MFN1: variants seen among roughly 807,000 people sequenced by gnomAD.
The protein encoded by MFN1 is mitofusin 1, also known as mitofusin-1.
In MFN1, 65 loss-of-function variants were observed where a neutral mutation model predicts 92.4. The ratio of observed to expected loss-of-function variants is 0.70; its 90% CI spans 0.58 to 0.86. The LOEUF is 0.86. MFN1 is among the 40% of genes least tolerant of loss of function. MFN1 has a pLI of 0.00. For synonymous variants in MFN1, 297 were observed against 300.9 expected (o/e 0.99, Z 0.13); for missense variants, 781 against 868.0 (o/e 0.90, Z 1.26).
In MFN1 at chr3:179,358,848, G is replaced by A. The variant is rs761481869; in HGVS notation, c.257G>A (p.Ser86Asn). Residue 86 changes from serine to asparagine, a missense_variant, in exon 4 of 18, where the codon AGT becomes AAT. By Grantham distance (46) the Ser-to-Asn change is conservative. Coordinates refer to ENST00000471841, the MANE Select transcript of MFN1 (RefSeq NM_033540.3). The part of the protein sequence containing the change: ...MKVAFFGRTS[S>N]GKSSVINAML... ...TTTTGTATATTCTTCAGGACAAGCAGTGGGAAGAGCTCTGTTATCAATGCA... is the reference window on the plus strand; with the variant it reads ...TTTTGTATATTCTTCAGGACAAGCAATGGGAAGAGCTCTGTTATCAATGCA... 1.2e-6 allele frequency: 2 copies of A among 1,611,328 alleles called. No individual in the cohort carries two copies. Among genetic ancestry groups the A allele is most frequent in the East Asian group, 4.5e-5 (2 of 44,808 alleles).
At position 179,390,018 on chromosome 3, in the gene MFN1, C is replaced by T. The variant is rs144440886; in HGVS notation, c.2027C>T (p.Thr676Ile). ...SHQVKQQIAT[T>I]FARLCQQVDI... ...TTTATTTTAAGACAAATAGCTACCA[C>T]TTTTGCTCGCCTGTGCCAACAAGTT... Residue 676 changes from threonine to isoleucine, a missense_variant, in exon 17 of 18, where the codon ACT becomes ATT. Thr to Ile is a moderately conservative substitution (Grantham distance 89). Coordinates refer to ENST00000471841, the MANE Select transcript of MFN1 (RefSeq NM_033540.3). 4.4e-6 allele frequency: 7 copies of T among 1,600,210 alleles called. No homozygotes were observed. The African/African-American group carries it at 6.7e-5, about 15-fold the overall frequency.
intron 9 of MFN1, among the ~76,000 whole-genome samples, chr3:179,369,664 G>A (rs1712944417): frequency 3.3e-5 from 5 of 152,146 alleles, no homozygotes; most frequent in Admixed American, 3.3e-4. Flanking sequence ...GTGCTTTAGA[G>A]AACCACAGGC....
intron 10 of MFN1, among the ~76,000 whole-genome samples, chr3:179,375,805 A>G (rs1389771638): frequency 1.3e-5 from 2 of 152,200 alleles, no homozygotes; most frequent in African/African-American, 4.8e-5. Context: ...CTACCTGCCA[A>G]CCAGAAAGTT....
intron 12 of MFN1, 180 bp from the exon 13 acceptor site, chr3:179,378,161 C>T: frequency 1.7e-6 from 1 of 592,564 alleles, no homozygotes; most frequent in Non-Finnish European, 2.9e-6. Flanking sequence ...GAGGTCAAGG[C>T]TACAGTGAGT....
At chr3:179,377,847 G>A (rs962903166) in intron 12 of MFN1, among the ~76,000 whole-genome samples, 2 of 151,954 alleles carry the variant, frequency 1.3e-5, no homozygotes, top group Non-Finnish European at 2.9e-5. Context: ...GACGGATCAC[G>A]AGGTCAGGAG....
In MFN1 at chr3:179,394,382, T is replaced by C. The variant is rs976263916; in HGVS notation, c.*2323T>C. 2 of 150,376 alleles carry C rather than the reference T, an allele frequency of 1.3e-5. No individual in the cohort carries two copies. Among genetic ancestry groups the C allele is most frequent in the Non-Finnish European group, 2.9e-5 (2 of 67,864 alleles). The allele number at this position is 150,376 out of a possible 1,614,324, so 9.3% of individuals were successfully genotyped here. On this transcript the variant is annotated 3_prime_UTR_variant, in exon 18 of 18. Coordinates refer to ENST00000471841, the MANE Select transcript of MFN1 (RefSeq NM_033540.3). ...GTGAAAACATAATGAATGTTGGAAA[T>C]GGAACAGTAAAATAACGAAAGCCAA...
At chr3:179,388,626 A>G (rs1450624804) in intron 16 of MFN1, among the ~76,000 whole-genome samples, 1 of 152,196 alleles carries the variant, frequency 6.6e-6, no homozygotes, top group Non-Finnish European at 1.5e-5. Flanking sequence ...TGAGAGTGAT[A>G]AGAAATATAA....
chr3:179,377,375 G>A lies in MFN1; in HGVS notation c.1256G>A (p.Arg419Gln), dbSNP rs748952259. The A allele has an allele frequency of 1.1e-5, 18 of 1,609,024 alleles. No individual in the cohort carries two copies. The South Asian group carries it at 1.6e-4, about 14-fold the overall frequency. ...VSCAMTDEIC[R>Q]LSVLVDEFCS... Reference sequence around the variant, plus strand: ...TGTGCAATGACAGATGAAATTTGTCGACTGTCTGTTTTGGTTGATGAATTT... The same window carrying A: ...TGTGCAATGACAGATGAAATTTGTCAACTGTCTGTTTTGGTTGATGAATTT... Residue 419 changes from arginine (R) to glutamine (Q), a missense_variant, in exon 12 of 18, where the codon CGA becomes CAA. Arg to Gln is a conservative substitution (Grantham distance 43, BLOSUM62 1). Transcript: ENST00000471841.
intron 9 of MFN1, 110 bp downstream of exon 9, chr3:179,368,213 T>A: frequency 1.4e-6 from 1 of 739,646 alleles, no homozygotes; most frequent in Non-Finnish European, 1.9e-6. Context: ...TGCTGTTATT[T>A]AGTTTAGTTA....
rs199961246 is a variant in MFN1, at chr3:179,367,595, A to G, written c.907+3A>G. On this transcript the variant is annotated splice_donor_region_variant and intron_variant, in intron 8 of 17. Transcript: ENST00000471841. ...AGCACAGGGGATGCCAGAAAGTGGT[A>G]TGCATTACCTATAGATTTCCTGTTT... 1.6e-5 allele frequency: 25 copies of G among 1,599,712 alleles called. No individual in the cohort carries two copies. Among genetic ancestry groups the G allele is most frequent in the Non-Finnish European group, 1.6e-5 (19 of 1,175,694 alleles).
chr3:179,373,327 C>T (rs1043739937), intron 9 of MFN1, among the ~76,000 whole-genome samples: 3 of 152,170 alleles, frequency 2.0e-5, no homozygotes, highest in Admixed American at 6.5e-5. Context: ...ATTGAATGCA[C>T]GTGTAGCATC....
intron 4 of MFN1, among the ~76,000 whole-genome samples, chr3:179,361,333 G>A (rs1712567911): frequency 6.6e-6 from 1 of 152,006 alleles, no homozygotes; most frequent in Non-Finnish European, 1.5e-5. Flanking sequence ...TAGATTCAGG[G>A]GTTGGTTACA....
chr3:179,349,185 TCAC>T (rs1225113928), intron 2 of MFN1, among the ~76,000 whole-genome samples: 1 of 152,214 alleles, frequency 6.6e-6, no homozygotes, highest in Non-Finnish European at 1.5e-5. Context: ...TTAATTTTCA[TCAC>T]CACTAGGTGA....
intron 5 of MFN1, among the ~76,000 whole-genome samples, chr3:179,363,479 C>G (rs148378695): frequency 0.034 from 5,160 of 151,912 alleles, 109 homozygotes; most frequent in Middle Eastern, 0.065. Flanking sequence ...TGATAGATAC[C>G]TCGTTTACCA....
At chr3:179,372,226 A>G (rs1367846374) in intron 9 of MFN1, among the ~76,000 whole-genome samples, 1 of 150,980 alleles carries the variant, frequency 6.6e-6, no homozygotes, top group Non-Finnish European at 1.5e-5. Context: ...ATCTAGATGA[A>G]AGGTCTATTT....
At chr3:179,352,786 CTG>C (rs1341612940) in intron 3 of MFN1, among the ~76,000 whole-genome samples, 1 of 151,928 alleles carries the variant, frequency 6.6e-6, no homozygotes, top group Admixed American at 6.6e-5. Context: ...GAGTCTCACT[CTG>C]TCTCCCACGC....
At chr3:179,356,135 A>C (rs1327205981) in intron 3 of MFN1, among the ~76,000 whole-genome samples, 1 of 152,226 alleles carries the variant, frequency 6.6e-6, no homozygotes, top group Non-Finnish European at 1.5e-5. Flanking sequence ...AACTGAATTT[A>C]TGCTAATGAG....
intron 3 of MFN1, among the ~76,000 whole-genome samples, chr3:179,353,076 A>G (rs1712213231): frequency 9.6e-6 from 1 of 104,326 alleles, no homozygotes; most frequent in Admixed American, 1.1e-4. Context: ...TTTTTTTGAG[A>G]CAGAGTCTCA....
rs1177720247 is a variant in MFN1, at chr3:179,393,352, G to A, written c.*1293G>A. 1.3e-5 allele frequency: 2 copies of A among 152,170 alleles called. No homozygotes were observed. Among genetic ancestry groups the A allele is most frequent in the African/African-American group, 2.4e-5 (1 of 41,436 alleles). 9.4% of individuals were successfully genotyped at this position (152,170 alleles called of 1,614,324 possible). A position where few individuals can be genotyped will look rare whatever the true frequency, so the allele number is the denominator to read the frequency against. On this transcript the variant is annotated 3_prime_UTR_variant, in exon 18 of 18. Transcript: ENST00000471841. ...CTTGTTAGAAATGCACAATCCCGGGGAACGCAGTACATTTGGCCACATGTA... is the reference window on the plus strand; with the variant it reads ...CTTGTTAGAAATGCACAATCCCGGGAAACGCAGTACATTTGGCCACATGTA...
Sources: allele counts gnomAD v4.1 joint callset (sites outside exome capture counted in the v4.1 genomes callset), GRCh38; gene constraint gnomAD v4.1.1; transcripts MANE v1.5; gene names NCBI Gene and HGNC (gene_info 2026-07-23, HGNC 2026-07-21).